Variants in GALNT13 observed in about 807,000 individuals in gnomAD.
The protein encoded by GALNT13 is UDP-GalNAc:polypeptide N-acetylgalactosaminyltransferase 13.
GALNT13 carries 28 observed loss-of-function variants against 64.2 expected under a neutral mutation model. The ratio of observed to expected loss-of-function variants is 0.44; its 90% CI spans 0.32 to 0.60. GALNT13 has a LOEUF of 0.60. Ranked by LOEUF, GALNT13 falls within the 20% of genes least tolerant of loss-of-function variation. The pLI, the probability that GALNT13 is intolerant of heterozygous loss-of-function variation, is 0.05. For missense variants in GALNT13, 577 were observed against 669.8 expected (o/e 0.86, Z 1.53); for synonymous variants, 214 against 224.6 (o/e 0.95, Z 0.42).
At chr2:153,403,260 C>T in the GALNT13 span, among the ~76,000 whole-genome samples, 59 of 151,178 alleles carry the variant, frequency 3.9e-4, no homozygotes, top group African/African-American at 1.3e-3. Context: ...GGTCAGGGAC[C>T]CACTTGAGGA....
At chr2:153,858,555 T>TGA in the GALNT13 span, among the ~76,000 whole-genome samples, 7 of 152,082 alleles carry the variant, frequency 4.6e-5, no homozygotes, top group East Asian at 3.9e-4. Context: ...AAGACCATTC[T>TGA]GAGAGAGAGA....
At chr2:154,100,387 G>C (rs1702285314) in intron 3 of GALNT13, among the ~76,000 whole-genome samples, 1 of 152,080 alleles carries the variant, frequency 6.6e-6, no homozygotes, top group Non-Finnish European at 1.5e-5. Context: ...TCTTTCAGCA[G>C]TACTTCGTAG....
chr2:154,015,850 A>G (rs2105262219), intron 3 of GALNT13, among the ~76,000 whole-genome samples: 1 of 152,302 alleles, frequency 6.6e-6, no homozygotes, highest in Middle Eastern at 3.4e-3. Context: ...TTTAAATTTT[A>G]AAATTATATT....
At chr2:154,036,245 C>T (rs1480175576) in intron 3 of GALNT13, among the ~76,000 whole-genome samples, 1 of 152,084 alleles carries the variant, frequency 6.6e-6, no homozygotes, top group Non-Finnish European at 1.5e-5. Flanking sequence ...ATTATATTTG[C>T]TTCACTTAAA....
chr2:153,956,349 T>A (rs1692568182), intron 3 of GALNT13, among the ~76,000 whole-genome samples: 1 of 152,188 alleles, frequency 6.6e-6, no homozygotes, highest in Non-Finnish European at 1.5e-5. Flanking sequence ...AGCAAATCAA[T>A]ACCTTAAGAA....
intron 3 of GALNT13, among the ~76,000 whole-genome samples, chr2:153,971,037 T>C (rs904731492): frequency 6.6e-6 from 1 of 152,176 alleles, no homozygotes; most frequent in African/African-American, 2.4e-5. Flanking sequence ...ATTCTCCCCT[T>C]ATTCATTCTG....
the GALNT13 span, among the ~76,000 whole-genome samples, chr2:153,689,611 T>G: frequency 7.2e-5 from 11 of 152,218 alleles, no homozygotes; most frequent in South Asian, 2.3e-3. Context: ...TTGTTTGTGG[T>G]GTCAGGTAGT....
the GALNT13 span, among the ~76,000 whole-genome samples, chr2:153,574,887 T>C: frequency 3.3e-5 from 5 of 152,054 alleles, no homozygotes; most frequent in South Asian, 2.1e-4. Context: ...ATTATTTTAG[T>C]TGGTGAGTTT....
chr2:154,399,687 G>T (rs71419004), intron 10 of GALNT13, among the ~76,000 whole-genome samples: 17,684 of 152,108 alleles, frequency 0.12, 1,103 homozygotes, highest in Non-Finnish European at 0.14. Context: ...ATGGGGATTA[G>T]ATTTCACCAT....
At chr2:154,148,644 T>A (rs1469033165) in intron 4 of GALNT13, among the ~76,000 whole-genome samples, 2 of 152,080 alleles carry the variant, frequency 1.3e-5, no homozygotes, top group East Asian at 1.9e-4. Context: ...GGTATCTCAT[T>A]GTGGTTTTGA....
At chr2:153,298,339 G>A in the GALNT13 span, among the ~76,000 whole-genome samples, 1 of 152,140 alleles carries the variant, frequency 6.6e-6, no homozygotes, top group Non-Finnish European at 1.5e-5. Flanking sequence ...GGTCACCTTC[G>A]TGACCGGACT....
the GALNT13 span, among the ~76,000 whole-genome samples, chr2:153,338,840 G>A: frequency 3.9e-5 from 6 of 152,194 alleles, no homozygotes; most frequent in African/African-American, 1.2e-4. Context: ...TCTATAAGTT[G>A]ACTTTCCTAG....
chr2:154,141,576 A>G (rs1683262701), intron 4 of GALNT13, among the ~76,000 whole-genome samples: 1 of 152,096 alleles, frequency 6.6e-6, no homozygotes, highest in South Asian at 2.1e-4. Context: ...AATCTTTCTG[A>G]TTCATTATAA....
At chr2:154,319,153 A>C (rs1282179104) in intron 9 of GALNT13, among the ~76,000 whole-genome samples, 8 of 152,208 alleles carry the variant, frequency 5.3e-5, no homozygotes, top group African/African-American at 1.9e-4. Flanking sequence ...ATCTGTGTAA[A>C]GTATGGGGAA....
chr2:153,746,949 TTA>T, the GALNT13 span, among the ~76,000 whole-genome samples: 1 of 152,198 alleles, frequency 6.6e-6, no homozygotes, highest in Non-Finnish European at 1.5e-5. Flanking sequence ...CTATTGTTTT[TTA>T]AAATTGATTT....
intron 4 of GALNT13, among the ~76,000 whole-genome samples, chr2:154,182,718 T>C (rs1020701341): frequency 1.3e-5 from 2 of 149,982 alleles, no homozygotes; most frequent in African/African-American, 4.9e-5. Flanking sequence ...ATATAAAATA[T>C]ATTTATTGAC....
At chr2:154,149,180 A>C (rs1259301349) in intron 4 of GALNT13, among the ~76,000 whole-genome samples, 4 of 152,206 alleles carry the variant, frequency 2.6e-5, no homozygotes, top group African/African-American at 9.7e-5. Context: ...TTTATTAAAT[A>C]GGGAATCCTT....
chr2:153,465,528 TTACTCATA>T, the GALNT13 span, among the ~76,000 whole-genome samples: 1 of 151,530 alleles, frequency 6.6e-6, no homozygotes. Flanking sequence ...TTATCACCTT[TTACTCATA>T]TAGTAAGGAA....
At chr2:153,633,293 T>G in the GALNT13 span, among the ~76,000 whole-genome samples, 1 of 152,136 alleles carries the variant, frequency 6.6e-6, no homozygotes, top group Non-Finnish European at 1.5e-5. Flanking sequence ...TATTTCTGAA[T>G]CACACAGCTG....
Sources: allele counts gnomAD v4.1 joint callset (sites outside exome capture counted in the v4.1 genomes callset), GRCh38; gene constraint gnomAD v4.1.1; transcripts MANE v1.5; gene names NCBI Gene and HGNC (gene_info 2026-07-23, HGNC 2026-07-21).